EFR3A: variants seen among roughly 807,000 people sequenced by gnomAD.
EFR3A encodes protein EFR3 homolog A.
A neutral mutation model predicts 104.4 loss-of-function variants in EFR3A; 76 were observed. The ratio of observed to expected loss-of-function variants is 0.73; its 90% CI spans 0.60 to 0.88. The LOEUF is 0.88. EFR3A is among the 40% of genes least tolerant of loss of function. The probability of loss-of-function intolerance (pLI) is 0.00; values close to 1 mark genes in which losing one functional copy is unlikely to be tolerated. For synonymous variants in EFR3A, 330 were observed against 330.0 expected (o/e 1.00, Z 0.00); for missense variants, 985 against 1,012.5 (o/e 0.97, Z 0.37).
chr8:132,003,911 G>A (rs965389477), intron 22 of EFR3A, among the ~76,000 whole-genome samples: 1 of 152,194 alleles, frequency 6.6e-6, no homozygotes, highest in Non-Finnish European at 1.5e-5. Context: ...GTGGAAACCT[G>A]CCTTTGTGAG....
chr8:131,930,128 C>T (rs1817514538), intron 1 of EFR3A, among the ~76,000 whole-genome samples: 1 of 152,060 alleles, frequency 6.6e-6, no homozygotes, highest in Non-Finnish European at 1.5e-5. Flanking sequence ...TTGCAGACTG[C>T]ACATCTGAAG....
chr8:131,917,349 G>A (rs567586969), intron 1 of EFR3A, among the ~76,000 whole-genome samples: 2 of 152,250 alleles, frequency 1.3e-5, no homozygotes, highest in South Asian at 4.1e-4. Context: ...GCATCTACTT[G>A]GTATGACACA....
Position 132,012,277 on chromosome 8 carries a change from C to T in EFR3A, c.*1382C>T, listed in dbSNP as rs1323773410. 6.6e-6 allele frequency: 1 copy of T among 152,038 alleles called. No homozygotes were observed. Among genetic ancestry groups the T allele is most frequent in the African/African-American group, 2.4e-5 (1 of 41,390 alleles). The allele number at this position is 152,038 out of a possible 1,614,324, so 9.4% of individuals were successfully genotyped here. A position where few individuals can be genotyped will look rare whatever the true frequency, so the allele number is the denominator to read the frequency against. On this transcript the variant is annotated 3_prime_UTR_variant, in exon 23 of 23. Coordinates refer to ENST00000254624, the MANE Select transcript of EFR3A (RefSeq NM_015137.6). ...AAGAATGGGATGTTTGTGTTTATGG[C>T]TATTTGGGCACCTTTAGTAGAAACA... is the stretch of plus-strand genomic sequence containing the variant.
chr8:131,933,470 A>ATAT (rs5895117), intron 1 of EFR3A, among the ~76,000 whole-genome samples: 131,171 of 151,856 alleles, frequency 0.86, 56,779 homozygotes, highest in East Asian at 0.93. Context: ...AAAGGGAATG[A>ATAT]TATCTGATTT....
At chr8:131,983,110 G>A (rs188721388) in intron 14 of EFR3A, among the ~76,000 whole-genome samples, 19 of 152,290 alleles carry the variant, frequency 1.2e-4, no homozygotes, top group Middle Eastern at 3.4e-3. Flanking sequence ...CTTCAGAAGA[G>A]TCTGTGCTGT....
intron 1 of EFR3A, among the ~76,000 whole-genome samples, chr8:131,922,036 G>C (rs920705133): frequency 6.6e-6 from 1 of 152,166 alleles, no homozygotes; most frequent in African/African-American, 2.4e-5. Flanking sequence ...GCAGGATCAT[G>C]CTTCTGAAGG....
intron 8 of EFR3A, among the ~76,000 whole-genome samples, chr8:131,960,969 G>A (rs940474525): frequency 2.0e-5 from 3 of 152,102 alleles, no homozygotes; most frequent in African/African-American, 7.2e-5. Context: ...GTGGACCTCT[G>A]GCGAACTCCC....
intron 1 of EFR3A, among the ~76,000 whole-genome samples, chr8:131,907,148 A>C (rs1816297884): frequency 6.6e-6 from 1 of 152,188 alleles, no homozygotes; most frequent in South Asian, 2.1e-4. Flanking sequence ...CTTGAGTTAC[A>C]TTAAGACAAA....
intron 18 of EFR3A, among the ~76,000 whole-genome samples, chr8:131,994,110 G>A (rs767973066): frequency 9.9e-5 from 15 of 152,250 alleles, no homozygotes; most frequent in Middle Eastern, 6.8e-3. Flanking sequence ...GGGCACGGTG[G>A]CACATGCCTG....
At chr8:131,985,703 T>C (rs1820837935) in intron 16 of EFR3A, among the ~76,000 whole-genome samples, 1 of 152,162 alleles carries the variant, frequency 6.6e-6, no homozygotes, top group South Asian at 2.1e-4. Context: ...TAATCAGACA[T>C]TTGAGTGAAT....
At chr8:131,973,498 A>C (rs1212349767) in intron 10 of EFR3A, among the ~76,000 whole-genome samples, 1 of 152,226 alleles carries the variant, frequency 6.6e-6, no homozygotes, top group Non-Finnish European at 1.5e-5. Context: ...GATACAGCAC[A>C]TTCAGAATAA....
intron 1 of EFR3A, among the ~76,000 whole-genome samples, chr8:131,921,340 T>G (rs1817013005): frequency 6.6e-6 from 1 of 152,094 alleles, no homozygotes; most frequent in African/African-American, 2.4e-5. Context: ...TTTTTCCTTT[T>G]TATAAGAATA....
At chr8:131,945,121 A>G (rs1055152274) in intron 3 of EFR3A, among the ~76,000 whole-genome samples, 3 of 151,898 alleles carry the variant, frequency 2.0e-5, no homozygotes, top group African/African-American at 7.3e-5. Context: ...GTGTCTATTG[A>G]TTTTTGAGTC....
At chr8:131,966,633 G>A (rs1395265733) in intron 8 of EFR3A, among the ~76,000 whole-genome samples, 2 of 152,048 alleles carry the variant, frequency 1.3e-5, no homozygotes, top group African/African-American at 2.4e-5. Flanking sequence ...TGAGTTACAG[G>A]GAGATTAAAT....
At chr8:131,969,600 G>A (rs1363359753) in intron 9 of EFR3A, among the ~76,000 whole-genome samples, 1 of 150,578 alleles carries the variant, frequency 6.6e-6, no homozygotes, top group African/African-American at 2.4e-5. Flanking sequence ...TGTGAATCCA[G>A]AACTGCAGAT....
In EFR3A at chr8:131,940,498, G is replaced by A. The variant is rs376806810; in HGVS notation, c.11-1G>A. ...TTTCTTGATTTTTTTTTTTTTAACA[G>A]GAGTATGCTGCTGCTGTTCCGCTTT... On this transcript the variant is annotated splice_acceptor_variant, in intron 1 of 22. Coordinates refer to ENST00000254624, the MANE Select transcript of EFR3A (RefSeq NM_015137.6). LOFTEE classifies it high-confidence loss of function. The A allele has an allele frequency of 6.3e-7, 1 of 1,587,522 alleles. No homozygotes were observed. Among genetic ancestry groups the A allele is most frequent in the South Asian group, 1.1e-5 (1 of 87,902 alleles).
At chr8:131,932,552 A>G (rs1320725941) in intron 1 of EFR3A, among the ~76,000 whole-genome samples, 2 of 152,254 alleles carry the variant, frequency 1.3e-5, no homozygotes, top group African/African-American at 2.4e-5. Flanking sequence ...GTTACCAGAA[A>G]CACAGATCTC....
At chr8:131,966,620 A>T (rs1401278729) in intron 8 of EFR3A, among the ~76,000 whole-genome samples, 1 of 152,186 alleles carries the variant, frequency 6.6e-6, no homozygotes, top group Non-Finnish European at 1.5e-5. Context: ...AGATGAGAGA[A>T]ACTGAGTTAC....
chr8:132,003,708 C>T (rs1387348590), intron 22 of EFR3A, among the ~76,000 whole-genome samples: 1 of 152,142 alleles, frequency 6.6e-6, no homozygotes, highest in African/African-American at 2.4e-5. Context: ...ATGCAGATAG[C>T]TCATTTGAAT....
Sources: gnomAD v4.1 joint callset for allele counts (sites outside exome capture counted in the v4.1 genomes callset) on GRCh38, gnomAD v4.1.1 for gene constraint, MANE v1.5 for transcripts, NCBI Gene and HGNC (gene_info 2026-07-23, HGNC 2026-07-21) for gene names.